Variants in SOX6 observed in about 807,000 individuals in gnomAD.
SOX6 encodes SRY-box transcription factor 6.
Under a neutral mutation model 97.8 loss-of-function variants are expected in SOX6, and 11 were observed. The ratio of observed to expected loss-of-function variants is 0.11; its 90% CI spans 0.07 to 0.19. The LOEUF (loss-of-function observed/expected upper bound fraction) is 0.19, where lower values mean the gene tolerates loss of function less well. Ranked by LOEUF, SOX6 falls within the 10% of genes least tolerant of loss-of-function variation. The probability of loss-of-function intolerance (pLI) is 1.00; values close to 1 mark genes in which losing one functional copy is unlikely to be tolerated. For synonymous variants in SOX6, 360 were observed against 371.4 expected (o/e 0.97, Z 0.35); for missense variants, 810 against 1,039.5 (o/e 0.78, Z 3.04).
Position 15,972,840 on chromosome 11 carries a change from T to C in SOX6, c.2456A>G (p.Asn819Ser). The change falls in exon 16 of 16, where the codon AAT (asparagine) becomes AGT (serine). Residue 819 changes from asparagine (N) to serine (S), a missense_variant. By Grantham distance (46) the Asn-to-Ser change is conservative. Coordinates refer to ENST00000683767, the MANE Select transcript of SOX6 (RefSeq NM_001367873.1). ...GGCACTGACAGCCTCCGGGGCTTCATTTTCACTGCTATAGTCTGATTTGGG... is the reference window on the plus strand; with the variant it reads ...GGCACTGACAGCCTCCGGGGCTTCACTTTCACTGCTATAGTCTGATTTGGG... ...DDPKSDYSSE[N>S]EAPEAVSAN is the part of the protein sequence containing the mutation. 1 of 1,614,220 alleles carries C rather than the reference T, an allele frequency of 6.2e-7. No homozygotes were observed. Among genetic ancestry groups the C allele is most frequent in the Non-Finnish European group, 8.5e-7 (1 of 1,180,030 alleles).
intron 1 of SOX6, among the ~76,000 whole-genome samples, chr11:16,411,950 T>A (rs1858829211): frequency 6.6e-6 from 1 of 152,178 alleles, no homozygotes. Context: ...TCTTCAGACA[T>A]AAGCAGATAA....
At chr11:16,624,424 G>A (rs911905121) in intron 3 of SOX6, among the ~76,000 whole-genome samples, 3 of 151,980 alleles carry the variant, frequency 2.0e-5, no homozygotes, top group Non-Finnish European at 2.9e-5. Flanking sequence ...TTGACCTCAC[G>A]ATCTGCCTCC....
intron 3 of SOX6, among the ~76,000 whole-genome samples, chr11:16,643,349 T>C (rs1455919251): frequency 3.9e-5 from 6 of 152,206 alleles, no homozygotes; most frequent in Non-Finnish European, 7.3e-5. Flanking sequence ...CCAGTTAGGC[T>C]ACTCAGGGGT....
At chr11:16,063,343 G>A (rs1230289036) in intron 9 of SOX6, among the ~76,000 whole-genome samples, 1 of 150,456 alleles carries the variant, frequency 6.6e-6, no homozygotes, top group Non-Finnish European at 1.5e-5. Context: ...ACACATAATG[G>A]TCTATAGCAG....
chr11:16,608,371 G>T (rs1232133361), intron 4 of SOX6, among the ~76,000 whole-genome samples: 1 of 152,108 alleles, frequency 6.6e-6, no homozygotes, highest in Non-Finnish European at 1.5e-5. Context: ...ACAAAAGCGA[G>T]TCACGAGACA....
At chr11:16,141,558 T>C (rs1360169331) in intron 6 of SOX6, among the ~76,000 whole-genome samples, 4 of 152,078 alleles carry the variant, frequency 2.6e-5, no homozygotes, top group African/African-American at 4.8e-5. Context: ...AGCCAAAGCA[T>C]GGCAAGGCAT....
At position 16,111,781 on chromosome 11, in the gene SOX6, T is replaced by G. The variant is rs189017361; in HGVS notation, c.898+22A>C. The G allele has an allele frequency of 7.3e-5, 118 of 1,612,850 alleles. No individual in the cohort carries two copies. In the Middle Eastern group the frequency reaches 9.4e-4, roughly 13 times the overall value. ...GCAGATCTGAGCATTTGGAAAAGAA[T>G]GTTAAATCCCTCTCTACTTACCTGG... On this transcript the variant is annotated intron_variant, in intron 7 of 15. Coordinates refer to ENST00000683767, the MANE Select transcript of SOX6 (RefSeq NM_001367873.1).
intron 1 of SOX6, among the ~76,000 whole-genome samples, chr11:16,439,329 T>C (rs1000579590): frequency 1.3e-5 from 2 of 152,206 alleles, no homozygotes; most frequent in African/African-American, 2.4e-5. Flanking sequence ...ATTTCTATCT[T>C]CTATTTTAAG....
chr11:16,425,347 T>G (rs1859103134), intron 1 of SOX6, among the ~76,000 whole-genome samples: 1 of 152,236 alleles, frequency 6.6e-6, no homozygotes, highest in African/African-American at 2.4e-5. Flanking sequence ...AGTGAACATC[T>G]AACATGTGCT....
rs190546593 is a variant in SOX6, at chr11:16,380,604, G to A, written c.-4-39352C>T. Reference sequence around the variant, plus strand: ...TTACTGCCAAAACAGGCACAAATAAGTATGATAGTTTTTCTAAAAAAAGCA... The same window carrying A: ...TTACTGCCAAAACAGGCACAAATAAATATGATAGTTTTTCTAAAAAAAGCA... On this transcript the variant is annotated intron_variant, in intron 1 of 15. Coordinates refer to the SOX6 transcript ENST00000396356. Among the ~76,000 whole-genome samples, 21 of 152,004 alleles carry A rather than the reference G, an allele frequency of 1.4e-4. No individual in the cohort carries two copies. The East Asian group carries it at 3.9e-3, about 28-fold the overall frequency.
At chr11:16,120,259 C>G in intron 6 of SOX6, among the ~76,000 whole-genome samples, 1 of 149,158 alleles carries the variant, frequency 6.7e-6, no homozygotes, top group South Asian at 2.1e-4. Context: ...CTCTCTCTCT[C>G]TGTCTCTCAT....
intron 9 of SOX6, among the ~76,000 whole-genome samples, chr11:16,072,538 A>G (rs561623438): frequency 1.2e-3 from 181 of 152,322 alleles, no homozygotes; most frequent in African/African-American, 3.9e-3. Context: ...GATATCATCC[A>G]TGAAAATTTT....
chr11:16,367,212 T>A (rs940497424), intron 1 of SOX6, among the ~76,000 whole-genome samples: 2 of 152,306 alleles, frequency 1.3e-5, no homozygotes, highest in East Asian at 1.9e-4. Flanking sequence ...GAAACAGAAG[T>A]GAAGTTCCTT....
chr11:16,342,995 T>A, intron 1 of SOX6, among the ~76,000 whole-genome samples: 1 of 151,864 alleles, frequency 6.6e-6, no homozygotes, highest in East Asian at 1.9e-4. Context: ...TTAAATGTTC[T>A]AAAGAGTGCT....
chr11:16,096,242 T>C, intron 8 of SOX6, 124 bp from the exon 9 acceptor site: 3 of 1,186,572 alleles, frequency 2.5e-6, no homozygotes, highest in Non-Finnish European at 3.6e-6. Flanking sequence ...GTAGAAAGTT[T>C]AAGACTCAGT....
intron 4 of SOX6, among the ~76,000 whole-genome samples, chr11:16,587,549 T>G (rs1054239075): frequency 1.2e-4 from 18 of 152,188 alleles, no homozygotes; most frequent in African/African-American, 4.3e-4. Flanking sequence ...ATATGTTTGG[T>G]GATATGCATC....
intron 4 of SOX6, among the ~76,000 whole-genome samples, chr11:16,491,537 G>C (rs5001406): frequency 0.18 from 27,718 of 151,800 alleles, 2,547 homozygotes; most frequent in African/African-American, 0.22. Context: ...GTGTCTGTGT[G>C]TGTGTGCCTA....
intron 3 of SOX6, among the ~76,000 whole-genome samples, chr11:16,624,519 C>A (rs1165171417): frequency 1.3e-5 from 2 of 152,052 alleles, no homozygotes; most frequent in Non-Finnish European, 2.9e-5. Context: ...TATATATGAC[C>A]ATTTATTTAT....
At chr11:16,268,825 A>G (rs1854158112) in intron 3 of SOX6, among the ~76,000 whole-genome samples, 1 of 150,992 alleles carries the variant, frequency 6.6e-6, no homozygotes, top group African/African-American at 2.4e-5. Flanking sequence ...ATATATTAGG[A>G]ATATTAGTCC....
Sources: gnomAD v4.1 joint callset for allele counts (sites outside exome capture counted in the v4.1 genomes callset) on GRCh38, gnomAD v4.1.1 for gene constraint, MANE v1.5 for transcripts, NCBI Gene and HGNC (gene_info 2026-07-23, HGNC 2026-07-21) for gene names.